TAS2R1: variants seen among roughly 807,000 people sequenced by gnomAD.
TAS2R1 encodes taste 2 receptor member 1.
For synonymous variants in TAS2R1, 141 were observed against 134.2 expected (o/e 1.05, Z -0.35); for missense variants, 370 against 353.4 (o/e 1.05, Z -0.38).
chr5:9,822,087 C>T, the TAS2R1 span, among the ~76,000 whole-genome samples: 2 of 152,136 alleles, frequency 1.3e-5, no homozygotes, highest in Non-Finnish European at 2.9e-5. Flanking sequence ...GTGAGATTGG[C>T]TTCGTTCTTT....
chr5:9,758,587 A>T, the TAS2R1 span, among the ~76,000 whole-genome samples: 1 of 152,254 alleles, frequency 6.6e-6, no homozygotes, highest in Non-Finnish European at 1.5e-5. Context: ...CAAATTGAAG[A>T]TAATAGAACC....
chr5:9,800,004 T>G, the TAS2R1 span, among the ~76,000 whole-genome samples: 1 of 152,196 alleles, frequency 6.6e-6, no homozygotes, highest in African/African-American at 2.4e-5. Context: ...TGGAAAAAGG[T>G]AGAAACTGCC....
At chr5:9,764,518 C>T in the TAS2R1 span, among the ~76,000 whole-genome samples, 9 of 152,168 alleles carry the variant, frequency 5.9e-5, no homozygotes, top group Non-Finnish European at 1.3e-4. Context: ...CACAGTCAGT[C>T]AGCTTACAGC....
chr5:9,673,756 G>A (rs1740816412), intron 1 of TAS2R1, among the ~76,000 whole-genome samples: 1 of 152,040 alleles, frequency 6.6e-6, no homozygotes, highest in Non-Finnish European at 1.5e-5. Context: ...GAAGGCAATA[G>A]GGCAAGGAAT....
chr5:9,668,835 A>AT lies in TAS2R1; in HGVS notation c.-241-9255dup, dbSNP rs536624146. ...CTTAAGTACAAAGACCATCAGCACT[A>AT]TTAAAAAAAAAACCACACAATCAAG... On this transcript the variant is annotated intron_variant, in intron 1 of 2. Transcript: ENST00000506620. 2.6e-5 allele frequency among the ~76,000 whole-genome samples: 4 copies of AT among 152,218 alleles called. No individual in the cohort carries two copies. In the South Asian group the frequency reaches 6.2e-4, roughly 24 times the overall value.
chr5:9,779,945 C>G, the TAS2R1 span, among the ~76,000 whole-genome samples: 1 of 152,204 alleles, frequency 6.6e-6, no homozygotes, highest in Non-Finnish European at 1.5e-5. Context: ...TTCTGATGCA[C>G]ACTAGAGTTT....
At chr5:9,735,012 T>G in the TAS2R1 span, among the ~76,000 whole-genome samples, 198 of 151,442 alleles carry the variant, frequency 1.3e-3, 7 homozygotes, top group African/African-American at 4.5e-3. Context: ...CAGGAAGCAT[T>G]GCTAGGGAGG....
At chr5:9,718,193 T>A in the TAS2R1 span, among the ~76,000 whole-genome samples, 2 of 151,626 alleles carry the variant, frequency 1.3e-5, no homozygotes, top group Non-Finnish European at 2.9e-5. Flanking sequence ...ATCGTCTTGA[T>A]CTCCTGACCT....
At chr5:9,828,136 A>T in the TAS2R1 span, among the ~76,000 whole-genome samples, 43,028 of 151,328 alleles carry the variant, frequency 0.28, 6,836 homozygotes, top group Non-Finnish European at 0.37. Context: ...TTATTTATTT[A>T]TTTTTTGAGA....
the TAS2R1 span, among the ~76,000 whole-genome samples, chr5:9,833,974 G>A: frequency 6.6e-6 from 1 of 152,180 alleles, no homozygotes; most frequent in Admixed American, 6.6e-5. Context: ...CAGAACAGCT[G>A]ACATTGTAAG....
chr5:9,796,802 T>A, the TAS2R1 span, among the ~76,000 whole-genome samples: 9 of 150,240 alleles, frequency 6.0e-5, no homozygotes, highest in Non-Finnish European at 1.3e-4. Flanking sequence ...CCTTGATAAC[T>A]GGCAGACTTT....
chr5:9,652,315 T>C (rs917620117), intron 2 of TAS2R1, among the ~76,000 whole-genome samples: 2 of 152,206 alleles, frequency 1.3e-5, no homozygotes, highest in African/African-American at 4.8e-5. Flanking sequence ...CTCTTTTTCC[T>C]GGAAACACAG....
the TAS2R1 span, among the ~76,000 whole-genome samples, chr5:9,837,073 G>A: frequency 1.3e-5 from 2 of 152,196 alleles, no homozygotes; most frequent in Non-Finnish European, 2.9e-5. Flanking sequence ...TGTTTTTAAT[G>A]AGGCTGAGAT....
the TAS2R1 span, among the ~76,000 whole-genome samples, chr5:9,830,605 G>GCACACACACACACACA: frequency 9.2e-4 from 138 of 149,810 alleles, 1 homozygote; most frequent in African/African-American, 3.0e-3. Flanking sequence ...ACGTGCGCGC[G>GCACACACACACACACA]CACACACACA....
At chr5:9,834,832 C>T in the TAS2R1 span, among the ~76,000 whole-genome samples, 1 of 151,938 alleles carries the variant, frequency 6.6e-6, no homozygotes, top group Non-Finnish European at 1.5e-5. Context: ...GGGAGAAGCA[C>T]TTCTCCCCAT....
In TAS2R1 at chr5:9,675,199, T is replaced by G. The variant is rs1008501398; in HGVS notation, c.-241-15618A>C. Among the ~76,000 whole-genome samples the G allele has an allele frequency of 3.3e-5, 5 of 150,546 alleles. No individual in the cohort carries two copies. In the South Asian group the frequency reaches 6.3e-4, roughly 19 times the overall value. ...AAGAAGATCAAAATAAGTGGAGAGA[T>G]AGTCTATGTTCACAGATTGGAAGAA... is the stretch of plus-strand genomic sequence containing the variant. On this transcript the variant is annotated intron_variant, in intron 1 of 2. Transcript: ENST00000506620.
At chr5:9,689,239 A>G (rs1248565578) in intron 1 of TAS2R1, among the ~76,000 whole-genome samples, 2 of 151,992 alleles carry the variant, frequency 1.3e-5, no homozygotes, top group African/African-American at 4.8e-5. Context: ...GACCTTTAAC[A>G]TTTCTGCTTA....
At chr5:9,768,539 C>A in the TAS2R1 span, among the ~76,000 whole-genome samples, 1 of 152,170 alleles carries the variant, frequency 6.6e-6, no homozygotes, top group African/African-American at 2.4e-5. Context: ...TTCTCCTCCA[C>A]CAGTCTCAGC....
At chr5:9,652,678 C>A (rs1740330885) in intron 2 of TAS2R1, among the ~76,000 whole-genome samples, 2 of 151,926 alleles carry the variant, frequency 1.3e-5, no homozygotes, top group South Asian at 4.2e-4. Flanking sequence ...ATTAACATAC[C>A]CTGACAAATA....
Sources: allele counts gnomAD v4.1 joint callset (sites outside exome capture counted in the v4.1 genomes callset), GRCh38; gene constraint gnomAD v4.1.1; transcripts MANE v1.5; gene names NCBI Gene and HGNC (gene_info 2026-07-23, HGNC 2026-07-21).